The following MBOAT1 variants were observed in gnomAD, a reference collection of about 807,000 sequenced individuals.
MBOAT1 encodes the protein membrane-bound glycerophospholipid O-acyltransferase 1.
MBOAT1 carries 67 observed loss-of-function variants against 64.4 expected under a neutral mutation model. The observed-to-expected ratio is 1.04, with a 90% confidence interval of 0.85 to 1.27. The LOEUF is 1.27. Among genes scored for constraint, MBOAT1 ranks in the 50% most tolerant of loss-of-function variants. The pLI is 0.00. For synonymous variants in MBOAT1, 229 were observed against 218.9 expected (o/e 1.05, Z -0.41); for missense variants, 563 against 604.6 (o/e 0.93, Z 0.72).
In MBOAT1 at chr6:20,212,210, T is replaced by G. The variant is rs1054548180; in HGVS notation, c.25A>C (p.Ser9Arg). Residue 9 changes from serine (S) to arginine (R), a missense_variant, in exon 1 of 13, where the codon AGC becomes CGC. By Grantham distance (110) the Ser-to-Arg change is moderately radical. Coordinates refer to ENST00000324607, the MANE Select transcript of MBOAT1 (RefSeq NM_001080480.3). Reference protein sequence around the residue: MAAEPQPSSLSYRTTGSTY... With the variant: MAAEPQPSRLSYRTTGSTY... ...GAGCCCGTGGTGCGGTAGGAAAGGC[T>G]GGACGGCTGCGGCTCTGCTGCCATC... 1 of 1,613,036 alleles carries G rather than the reference T, an allele frequency of 6.2e-7. No homozygotes were observed.
intron 4 of MBOAT1, among the ~76,000 whole-genome samples, chr6:20,140,818 C>T (rs567882740): frequency 3.3e-5 from 5 of 152,292 alleles, no homozygotes; most frequent in African/African-American, 4.8e-5. Context: ...GCTAGAGAAT[C>T]CTGATACTGA....
chr6:20,156,226 A>G (rs1202200), intron 1 of MBOAT1, among the ~76,000 whole-genome samples: 129,265 of 150,058 alleles, frequency 0.86, 56,158 homozygotes, highest in East Asian at 1. Context: ...AGCTGAGATC[A>G]CGCCACTGCA....
intron 12 of MBOAT1, among the ~76,000 whole-genome samples, chr6:20,102,725 A>G (rs1333782509): frequency 1.3e-5 from 2 of 152,156 alleles, no homozygotes; most frequent in Non-Finnish European, 2.9e-5. Flanking sequence ...GACACCCCCA[A>G]TATTCAAAGT....
In MBOAT1 at chr6:20,124,587, T is replaced by C. The variant is rs780692058; in HGVS notation, c.728A>G (p.His243Arg). 1 of 1,614,104 alleles carries C rather than the reference T, an allele frequency of 6.2e-7. No individual in the cohort carries two copies. The highest frequency in any genetic ancestry group is 1.1e-5 in the South Asian group (1 of 91,066). The change falls in exon 8 of 13, where the codon CAC becomes CGC. Residue 243 changes from histidine (H) to arginine (R), a missense_variant. Physicochemically the swap from His to Arg is conservative, Grantham distance 29. Coordinates refer to ENST00000324607, the MANE Select transcript of MBOAT1 (RefSeq NM_001080480.3). ...PEPSPTGAVI[H>R]KLGITLVSLL... is the part of the protein sequence containing the mutation. ...AGACACCAAGGTGATGCCCAACTTG[T>C]GTATCACAGCTCCCTGAAAATGGGG...
At chr6:20,147,873 A>G (rs1399481161) in intron 3 of MBOAT1, among the ~76,000 whole-genome samples, 5 of 152,254 alleles carry the variant, frequency 3.3e-5, no homozygotes, top group Non-Finnish European at 7.3e-5. Context: ...TGTGTTAACA[A>G]TGAAATAAAG....
intron 1 of MBOAT1, among the ~76,000 whole-genome samples, chr6:20,155,160 C>A (rs1027684302): frequency 6.6e-6 from 1 of 152,178 alleles, no homozygotes; most frequent in Non-Finnish European, 1.5e-5. Flanking sequence ...CGAGTGTAGT[C>A]CCCCGACCAA....
At chr6:20,193,949 G>A (rs1364348173) in intron 1 of MBOAT1, among the ~76,000 whole-genome samples, 4 of 152,024 alleles carry the variant, frequency 2.6e-5, no homozygotes, top group African/African-American at 9.7e-5. Context: ...TACATGCAAA[G>A]ATTTGAATAA....
chr6:20,170,108 G>A (rs180765043), intron 1 of MBOAT1, among the ~76,000 whole-genome samples: 1 of 152,230 alleles, frequency 6.6e-6, no homozygotes, highest in Non-Finnish European at 1.5e-5. Context: ...CTCCTTTGAG[G>A]GCAGTTCCCC....
intron 11 of MBOAT1, among the ~76,000 whole-genome samples, 169 bp from the exon 12 acceptor site, chr6:20,109,918 T>TTC (rs1351081537): frequency 6.9e-5 from 10 of 144,446 alleles, no homozygotes. Context: ...TTTTTTTTTT[T>TTC]TTTTTTTTTG....
In MBOAT1 at chr6:20,211,969, AACACACACACACAC is replaced by A. The variant is rs57852903; in HGVS notation, c.99+153_99+166del. On this transcript the variant is annotated intron_variant, in intron 1 of 12. Transcript: ENST00000324607. ...CACTAACACCAACTCAAGAAGGGAA[AACACACACACACAC>A]ACACACACACACACACACACAAAAA... 49 of 456,996 alleles carry A rather than the reference AACACACACACACAC, an allele frequency of 1.1e-4. 1 individual carries two copies. Among genetic ancestry groups the A allele is most frequent in the African/African-American group, 8.8e-4 (43 of 48,742 alleles). The allele number at this position is 456,996 out of a possible 1,614,324, so 28.3% of individuals were successfully genotyped here. A position where few individuals can be genotyped will look rare whatever the true frequency, so the allele number is the denominator to read the frequency against.
intron 12 of MBOAT1, among the ~76,000 whole-genome samples, chr6:20,109,281 G>A (rs1449651983): frequency 1.3e-5 from 2 of 152,148 alleles, no homozygotes. Flanking sequence ...AGGAGAAAGA[G>A]CTAAGGGCAG....
At chr6:20,121,638 G>C (rs893174176) in intron 8 of MBOAT1, among the ~76,000 whole-genome samples, 1 of 152,132 alleles carries the variant, frequency 6.6e-6, no homozygotes, top group Admixed American at 6.5e-5. Context: ...CCTATGCAAT[G>C]GAATGGCCTT....
At chr6:20,173,324 T>C (rs1762254517) in intron 1 of MBOAT1, among the ~76,000 whole-genome samples, 1 of 151,864 alleles carries the variant, frequency 6.6e-6, no homozygotes, top group Non-Finnish European at 1.5e-5. Context: ...GGCCTCTGAG[T>C]AATAGAAACT....
intron 4 of MBOAT1, among the ~76,000 whole-genome samples, chr6:20,143,922 C>T (rs1561760788): frequency 2.0e-5 from 3 of 152,170 alleles, no homozygotes; most frequent in Admixed American, 6.5e-5. Context: ...CAAAAGCACT[C>T]ATAGACAATA....
intron 1 of MBOAT1, among the ~76,000 whole-genome samples, chr6:20,168,796 AAG>A (rs1293229063): frequency 1.5e-5 from 1 of 67,274 alleles, no homozygotes; most frequent in Non-Finnish European, 2.8e-5. Flanking sequence ...GGGAAGGGAA[AAG>A]GGGGGAGGGG....
At chr6:20,108,209 G>A (rs1404987558) in intron 12 of MBOAT1, among the ~76,000 whole-genome samples, 1 of 152,174 alleles carries the variant, frequency 6.6e-6, no homozygotes, top group African/African-American at 2.4e-5. Context: ...GTTTCTCTGT[G>A]CCACTAGCTG....
intron 8 of MBOAT1, among the ~76,000 whole-genome samples, chr6:20,121,828 C>T (rs1288572235): frequency 6.6e-6 from 1 of 152,142 alleles, no homozygotes; most frequent in Non-Finnish European, 1.5e-5. Flanking sequence ...CCCCTACACA[C>T]ACACACACAT....
intron 1 of MBOAT1, among the ~76,000 whole-genome samples, chr6:20,185,137 C>G (rs187700806): frequency 3.3e-5 from 5 of 152,058 alleles, no homozygotes; most frequent in Admixed American, 2.6e-4. Context: ...CAAGTATCAG[C>G]TACTCAGGAG....
intron 1 of MBOAT1, among the ~76,000 whole-genome samples, chr6:20,207,415 A>G (rs1439508843): frequency 6.6e-6 from 1 of 152,238 alleles, no homozygotes; most frequent in African/African-American, 2.4e-5. Flanking sequence ...CAAATTCAGC[A>G]GGACGGGGCA....
Sources: gnomAD v4.1 joint callset for allele counts (sites outside exome capture counted in the v4.1 genomes callset) on GRCh38, gnomAD v4.1.1 for gene constraint, MANE v1.5 for transcripts, NCBI Gene and HGNC (gene_info 2026-07-23, HGNC 2026-07-21) for gene names.